Variants in SUGCT observed in about 807,000 individuals in gnomAD.
SUGCT encodes succinyl-CoA:glutarate CoA-transferase.
A neutral mutation model predicts 55.0 loss-of-function variants in SUGCT; 41 were observed. That is an observed-to-expected ratio of 0.74 (90% CI 0.58 to 0.97). The LOEUF (loss-of-function observed/expected upper bound fraction) is 0.97. SUGCT is among the 50% of genes least tolerant of loss of function. SUGCT has a pLI of 0.00. For missense variants in SUGCT, 568 were observed against 547.8 expected (o/e 1.04, Z -0.37); for synonymous variants, 187 against 200.4 (o/e 0.93, Z 0.56).
chr7:40,576,016 T>TAGACAGTATCACTGAGTTGCGACTGTC (rs1349988584), intron 12 of SUGCT, among the ~76,000 whole-genome samples: 1 of 151,872 alleles, frequency 6.6e-6, no homozygotes, highest in African/African-American at 2.4e-5. Context: ...TTGTAAAAAC[T>TAGACAGTATCACTGAGTTGCGACTGTC]AGACAGTATC....
intron 12 of SUGCT, among the ~76,000 whole-genome samples, chr7:40,603,846 A>T (rs1798405702): frequency 6.6e-6 from 1 of 152,202 alleles, no homozygotes. Context: ...CTATTTCTAG[A>T]ATGATCTTCC....
At chr7:40,366,979 G>A (rs1238811062) in intron 9 of SUGCT, among the ~76,000 whole-genome samples, 10 of 152,072 alleles carry the variant, frequency 6.6e-5, no homozygotes, top group Non-Finnish European at 1.2e-4. Context: ...TGTTTATTGC[G>A]GCACTATTCA....
At position 40,487,459 on chromosome 7, in the gene SUGCT, G is replaced by A. The variant is rs188583567; in HGVS notation, c.987-8825G>A. Among the ~76,000 whole-genome samples the A allele has an allele frequency of 2.2e-3, 332 of 151,386 alleles. 2 individuals carry two copies. The highest frequency in any genetic ancestry group is 7.3e-3 in the South Asian group (35 of 4,776). On this transcript the variant is annotated intron_variant, in intron 11 of 13. Coordinates refer to ENST00000335693, the MANE Select transcript of SUGCT (RefSeq NM_001193313.2). ...TGTAGGCTAATATATGATCTGTCCT[G>A]GAGAATATTTTACATGTAGTAGAGA...
chr7:40,944,314 G>T, the SUGCT span, among the ~76,000 whole-genome samples: 1 of 151,440 alleles, frequency 6.6e-6, no homozygotes. Context: ...TTTGGCTTTT[G>T]TTGCCATTGC....
chr7:40,965,021 T>C, the SUGCT span: 1 of 152,238 alleles, frequency 6.6e-6, no homozygotes, highest in African/African-American at 2.4e-5. Context: ...AGCTTCATAT[T>C]TGGGTTTACA....
intron 9 of SUGCT, among the ~76,000 whole-genome samples, chr7:40,399,423 T>G (rs1785935836): frequency 6.6e-6 from 1 of 152,152 alleles, no homozygotes; most frequent in African/African-American, 2.4e-5. Context: ...TATTGTTTTA[T>G]GTAACTAGGA....
intron 11 of SUGCT, among the ~76,000 whole-genome samples, chr7:40,485,378 T>G (rs755720861): frequency 6.6e-6 from 1 of 150,906 alleles, no homozygotes; most frequent in Non-Finnish European, 1.5e-5. Context: ...TCTGTCTATA[T>G]ATCTAGATAA....
At chr7:40,366,484 A>G (rs1783974239) in intron 9 of SUGCT, among the ~76,000 whole-genome samples, 1 of 152,192 alleles carries the variant, frequency 6.6e-6, no homozygotes, top group African/African-American at 2.4e-5. Flanking sequence ...GGCAACCTAC[A>G]AAATGGGAGA....
chr7:40,668,814 A>C (rs1411570706), intron 12 of SUGCT, among the ~76,000 whole-genome samples: 1 of 152,164 alleles, frequency 6.6e-6, no homozygotes, highest in African/African-American at 2.4e-5. Flanking sequence ...TTTAGACAAT[A>C]ACTGCTGTAC....
In SUGCT at chr7:40,303,488, T is replaced by C. The variant is rs182213791; in HGVS notation, c.721-13272T>C. Among the ~76,000 whole-genome samples, 49 of 151,986 alleles carry C rather than the reference T, an allele frequency of 3.2e-4. No individual in the cohort carries two copies. The East Asian group carries it at 4.1e-3, about 13-fold the overall frequency. On this transcript the variant is annotated intron_variant, in intron 8 of 13. Coordinates refer to ENST00000335693, the MANE Select transcript of SUGCT (RefSeq NM_001193313.2). ...AATGTCTCTCAGATTTGCCATTTCTTCTCTTTTTTTTTTGAGACGGAGTCT... is the reference window on the plus strand; with the variant it reads ...AATGTCTCTCAGATTTGCCATTTCTCCTCTTTTTTTTTTGAGACGGAGTCT...
intron 12 of SUGCT, among the ~76,000 whole-genome samples, chr7:40,659,801 C>G (rs184677303): frequency 6.6e-6 from 1 of 152,272 alleles, no homozygotes; most frequent in Admixed American, 6.5e-5. Context: ...GTGAGGGACA[C>G]CATCACTTTC....
chr7:40,578,430 G>T (rs1470112626), intron 12 of SUGCT, among the ~76,000 whole-genome samples: 1 of 151,950 alleles, frequency 6.6e-6, no homozygotes, highest in Non-Finnish European at 1.5e-5. Flanking sequence ...GTGTGGTATG[G>T]GTATCTGGAT....
intron 12 of SUGCT, among the ~76,000 whole-genome samples, chr7:40,606,952 A>G (rs1054923956): frequency 3.3e-5 from 5 of 152,198 alleles, no homozygotes; most frequent in African/African-American, 1.2e-4. Flanking sequence ...TTATGTATTC[A>G]TATGCATAAT....
the SUGCT span, among the ~76,000 whole-genome samples, chr7:40,930,973 TGA>T: frequency 6.6e-6 from 1 of 152,202 alleles, no homozygotes; most frequent in Non-Finnish European, 1.5e-5. Flanking sequence ...ATAGGAGTGG[TGA>T]GAGAGGGCAT....
intron 12 of SUGCT, among the ~76,000 whole-genome samples, chr7:40,677,190 G>A (rs1390168267): frequency 6.6e-6 from 1 of 152,116 alleles, no homozygotes; most frequent in Non-Finnish European, 1.5e-5. Flanking sequence ...GAAAGAGTTG[G>A]AACCTCACAG....
the SUGCT span, among the ~76,000 whole-genome samples, chr7:40,897,513 G>T: frequency 0.014 from 2,135 of 151,882 alleles, 54 homozygotes; most frequent in African/African-American, 0.048. Context: ...GCCACAGAAG[G>T]GCTTTAACCA....
chr7:40,916,536 C>G, the SUGCT span, among the ~76,000 whole-genome samples: 13 of 152,188 alleles, frequency 8.5e-5, no homozygotes. Flanking sequence ...AAGAGATAAA[C>G]TGAATCCTGA....
At chr7:40,939,586 G>A in the SUGCT span, among the ~76,000 whole-genome samples, 2 of 152,200 alleles carry the variant, frequency 1.3e-5, no homozygotes, top group Admixed American at 6.5e-5. Flanking sequence ...CATTCTGGCT[G>A]AGGTAAGGTG....
chr7:40,231,315 C>T (rs1788712170), intron 6 of SUGCT, among the ~76,000 whole-genome samples: 1 of 152,110 alleles, frequency 6.6e-6, no homozygotes, highest in African/African-American at 2.4e-5. Flanking sequence ...TACTGGTAGA[C>T]GTAATTCTAG....
Sources: gnomAD v4.1 joint callset for allele counts (sites outside exome capture counted in the v4.1 genomes callset) on GRCh38, gnomAD v4.1.1 for gene constraint, MANE v1.5 for transcripts, NCBI Gene and HGNC (gene_info 2026-07-23, HGNC 2026-07-21) for gene names.